The following PCDH11X variants were observed in gnomAD, a reference collection of about 807,000 sequenced individuals.
The protein encoded by PCDH11X is protocadherin 11 X-linked, also known as protocadherin-11 X-linked.
A neutral mutation model predicts 53.3 loss-of-function variants in PCDH11X; 18 were observed. The observed-to-expected ratio is 0.34, with a 90% CI of 0.23 to 0.50. The LOEUF is 0.50. Among genes scored for constraint, PCDH11X ranks in the 20% least tolerant of loss-of-function variants. The pLI, the probability that PCDH11X is intolerant of heterozygous loss-of-function variation, is 0.98. For missense variants in PCDH11X, 570 were observed against 1,032.4 expected, an observed-to-expected ratio of 0.55 and a Z score of 6.14; for synonymous variants, 279 against 393.3, an observed-to-expected ratio of 0.71 and a Z score of 3.44.
At chrX:92,051,082 T>C (rs774270742) in intron 6 of PCDH11X, among the ~76,000 whole-genome samples, 4 of 112,117 alleles carry the variant, frequency 3.6e-5, no homozygotes, top group African/African-American at 1.3e-4. Flanking sequence ...ACAGGATTGA[T>C]AGATTTAGGG....
intron 9 of PCDH11X, among the ~76,000 whole-genome samples, chrX:92,389,842 T>TA (rs1569479299): frequency 6.4e-5 from 7 of 109,226 alleles, no homozygotes; most frequent in Non-Finnish European, 9.6e-5. Flanking sequence ...GCTTTTTTTT[T>TA]TAAAAAAAGG....
At chrX:92,591,083 A>T (rs753504356) in intron 10 of PCDH11X, among the ~76,000 whole-genome samples, 3 of 111,892 alleles carry the variant, frequency 2.7e-5, no homozygotes, top group African/African-American at 9.8e-5. Flanking sequence ...GACAGCTGGG[A>T]TGGAAAATGT....
chrX:92,223,786 G>A (rs1476934382), intron 7 of PCDH11X, among the ~76,000 whole-genome samples: 1 of 111,233 alleles, frequency 9.0e-6, no homozygotes, highest in Non-Finnish European at 1.9e-5. Flanking sequence ...CCTATATAAA[G>A]CACTTAGTAC....
intron 1 of PCDH11X, among the ~76,000 whole-genome samples, chrX:91,794,085 T>C (rs1343820219): frequency 8.9e-6 from 1 of 112,199 alleles, no homozygotes; most frequent in East Asian, 2.8e-4. Flanking sequence ...GAAGTGCCAC[T>C]GAATATAAGA....
intron 8 of PCDH11X, among the ~76,000 whole-genome samples, chrX:92,332,212 AC>A (rs2069507068): frequency 8.9e-6 from 1 of 112,607 alleles, no homozygotes; most frequent in Non-Finnish European, 1.9e-5. Flanking sequence ...GTGTAATGTG[AC>A]TTGTATAAAT....
rs781671754 is a variant in PCDH11X, at chrX:92,184,103, C to T, written c.3034-17272C>T. On this transcript the variant is annotated intron_variant, in intron 6 of 10. Transcript: ENST00000682573. Reference sequence around the variant, plus strand: ...GGAACAGTGTATAACAAATAGTAGGCGCTCAGTAAATATTTATTGAATAAA... The same window carrying T: ...GGAACAGTGTATAACAAATAGTAGGTGCTCAGTAAATATTTATTGAATAAA... Among the ~76,000 whole-genome samples, 9 of 111,667 alleles carry T rather than the reference C, an allele frequency of 8.1e-5. No individual in the cohort carries two copies. In the East Asian group the frequency reaches 1.4e-3, roughly 18 times the overall value.
At chrX:91,976,405 A>T (rs758983338) in intron 6 of PCDH11X, among the ~76,000 whole-genome samples, 1 of 112,056 alleles carries the variant, frequency 8.9e-6, no homozygotes, top group African/African-American at 3.2e-5. Flanking sequence ...GGATAATTGA[A>T]TTTTTCATCC....
At chrX:91,856,859 C>A in intron 5 of PCDH11X, among the ~76,000 whole-genome samples, 2 of 111,806 alleles carry the variant, frequency 1.8e-5, no homozygotes, top group South Asian at 7.5e-4. Context: ...CATTGATTGG[C>A]ATTTGCGTTG....
chrX:92,350,097 GCTAT>G (rs765330586), intron 8 of PCDH11X, among the ~76,000 whole-genome samples: 3 of 110,272 alleles, frequency 2.7e-5, no homozygotes, highest in African/African-American at 9.9e-5. Flanking sequence ...TTTTATTTAC[GCTAT>G]CTATTTCACT....
chrX:92,026,976 G>A (rs934555787), intron 6 of PCDH11X, among the ~76,000 whole-genome samples: 1 of 98,614 alleles, frequency 1.0e-5, no homozygotes, highest in Non-Finnish European at 2.0e-5. Flanking sequence ...GAATGTGAAT[G>A]TGATGACTGT....
At chrX:92,375,166 A>ATTTTTTTT (rs1230279822) in intron 8 of PCDH11X, among the ~76,000 whole-genome samples, 1 of 8,260 alleles carries the variant, frequency 1.2e-4, no homozygotes, top group Non-Finnish European at 1.9e-4. Flanking sequence ...ATATATATAT[A>ATTTTTTTT]TTTTTTTTTT....
Position 92,424,417 on chromosome X carries a change from G to A in PCDH11X, c.3343+36484G>A, listed in dbSNP as rs1298598996. On this transcript the variant is annotated intron_variant, in intron 9 of 10. Transcript: ENST00000682573. Reference sequence around the variant, plus strand: ...ATTCAGGGGATAATCTGAAGTTCAGGTTTTAGGTTATATCATAGTTCAGGT... The same window carrying A: ...ATTCAGGGGATAATCTGAAGTTCAGATTTTAGGTTATATCATAGTTCAGGT... Among the ~76,000 whole-genome samples the A allele has an allele frequency of 6.2e-5, 6 of 96,181 alleles. 1 individual carries two copies. The highest frequency in any genetic ancestry group is 2.0e-4 in the African/African-American group (6 of 29,723). 83.5% of individuals were successfully genotyped at this position (96,181 alleles called of 115,157 possible).
At chrX:92,560,489 C>T (rs1019755666) in intron 10 of PCDH11X, among the ~76,000 whole-genome samples, 2 of 108,563 alleles carry the variant, frequency 1.8e-5, no homozygotes, top group African/African-American at 6.8e-5. Flanking sequence ...ACAAGCAGGC[C>T]CTTGCTTTCC....
chrX:92,568,100 T>C (rs974192807), intron 10 of PCDH11X, among the ~76,000 whole-genome samples: 4 of 108,631 alleles, frequency 3.7e-5, no homozygotes, highest in Non-Finnish European at 7.6e-5. Context: ...GCAAATGTAC[T>C]GAAATCTTCC....
intron 10 of PCDH11X, among the ~76,000 whole-genome samples, chrX:92,473,911 G>C (rs2073322119): frequency 9.0e-6 from 1 of 111,617 alleles, no homozygotes; most frequent in Admixed American, 9.5e-5. Context: ...GGAGAAAAAT[G>C]TGTATTCTGC....
At chrX:92,084,779 C>G (rs4893165) in intron 6 of PCDH11X, among the ~76,000 whole-genome samples, 30,955 of 109,402 alleles carry the variant, frequency 0.28, 4,805 homozygotes, top group African/African-American at 0.58. Flanking sequence ...TAATCTTAGA[C>G]AGCTTTTTAA....
intron 9 of PCDH11X, among the ~76,000 whole-genome samples, chrX:92,401,626 T>A (rs1241714812): frequency 2.7e-5 from 3 of 112,183 alleles, no homozygotes; most frequent in Non-Finnish European, 5.6e-5. Context: ...AAGGACTATG[T>A]TTTTTAATCA....
At chrX:91,821,445 G>A (rs185515824) in intron 4 of PCDH11X, among the ~76,000 whole-genome samples, 41 of 110,936 alleles carry the variant, frequency 3.7e-4, no homozygotes, top group Non-Finnish European at 9.4e-5. Flanking sequence ...ATTGTGAATG[G>A]GAGTTCACTC....
chrX:92,459,963 C>T, intron 9 of PCDH11X: 3 of 1,160,095 alleles, frequency 2.6e-6, no homozygotes, highest in Non-Finnish European at 3.5e-6. Flanking sequence ...GAGTGAGGAG[C>T]CTGGAGACTG....
Sources: allele counts gnomAD v4.1 joint callset (sites outside exome capture counted in the v4.1 genomes callset), GRCh38; gene constraint gnomAD v4.1.1; transcripts MANE v1.5; gene names NCBI Gene and HGNC (gene_info 2026-07-23, HGNC 2026-07-21).